The following CEP162 variants were observed in gnomAD, a reference collection of about 807,000 sequenced individuals.
The protein encoded by CEP162 is centrosomal protein 162.
A neutral mutation model predicts 169.2 loss-of-function variants in CEP162; 141 were observed. The ratio of observed to expected loss-of-function variants is 0.83; its 90% confidence interval spans 0.73 to 0.96. The LOEUF is 0.96. Among genes scored for constraint, CEP162 ranks in the 40% least tolerant of loss-of-function variants. CEP162 has a pLI of 0.00. For synonymous variants in CEP162, 540 were observed against 526.4 expected (o/e 1.03, Z -0.35); for missense variants, 1,600 against 1,587.2 (o/e 1.01, Z -0.14).
chr6:84,169,458 T>G (rs771340600), intron 17 of CEP162, 25 bp from the exon 18 acceptor site: 25 of 1,411,366 alleles, frequency 1.8e-5, no homozygotes, highest in Non-Finnish European at 2.2e-5. Context: ...AAATAAAAAG[T>G]TGTTTTTCTT....
intron 25 of CEP162, among the ~76,000 whole-genome samples, chr6:84,143,557 CAG>C (rs775394795): frequency 6.6e-6 from 1 of 151,754 alleles, no homozygotes. Context: ...AGTAGAATGA[CAG>C]ACTGTTTTAT....
chr6:84,150,743 C>T (rs139377620), intron 23 of CEP162, among the ~76,000 whole-genome samples: 255 of 152,270 alleles, frequency 1.7e-3, no homozygotes, highest in Non-Finnish European at 2.9e-3. Context: ...TAAAGAGCTT[C>T]ATGCTACTGT....
At chr6:84,168,799 A>G (rs1445974289) in intron 18 of CEP162, among the ~76,000 whole-genome samples, 1 of 152,206 alleles carries the variant, frequency 6.6e-6, no homozygotes, top group East Asian at 1.9e-4. Flanking sequence ...TAATAAACAT[A>G]AAAAAGTTAT....
chr6:84,158,554 T>C (rs1387199315), intron 21 of CEP162, among the ~76,000 whole-genome samples: 2 of 152,206 alleles, frequency 1.3e-5, no homozygotes, highest in Non-Finnish European at 2.9e-5. Context: ...TTGTGAAAAC[T>C]GCTTGCACAT....
chr6:84,194,339 A>C (rs1400397945), intron 10 of CEP162, among the ~76,000 whole-genome samples: 1 of 149,214 alleles, frequency 6.7e-6, no homozygotes, highest in Admixed American at 6.7e-5. Flanking sequence ...TGGGCGACAG[A>C]GCAAGACTCC....
At position 84,185,410 on chromosome 6, in the gene CEP162, A is replaced by G; in HGVS notation, c.1440T>C (p.Ala480=). 1 of 1,613,544 alleles carries G rather than the reference A, an allele frequency of 6.2e-7. No individual in the cohort carries two copies. The highest frequency in any genetic ancestry group is 1.7e-4 in the Middle Eastern group (1 of 6,060). The change falls in exon 13 of 27, where the codon GCT becomes GCC. Residue 480 remains alanine (A), a synonymous_variant. Transcript: ENST00000403245. ...TGTATGGTACCTGTTTACCCATTAC[A>G]GCCCCTTCTTCTTCAGAACTAAGTT... The part of the protein sequence containing the change: ...RSQLSSEEEG[A]VMGKQVPYKK...
Position 84,155,435 on chromosome 6 carries a change from C to G in CEP162, c.2857G>C (p.Ala953Pro). 1 of 1,613,450 alleles carries G rather than the reference C, an allele frequency of 6.2e-7. No individual in the cohort carries two copies. Among genetic ancestry groups the G allele is most frequent in the Non-Finnish European group, 8.5e-7 (1 of 1,179,502 alleles). ...LPALILAASA[A>P]GDTVDKNTVE... ...GTATTTTTATCCACTGTATCACCAGCTGCTGATGCAGCCAATATTAAAGCA... is the reference window on the plus strand; with the variant it reads ...GTATTTTTATCCACTGTATCACCAGGTGCTGATGCAGCCAATATTAAAGCA... Residue 953 changes from alanine to proline, a missense_variant, in exon 22 of 27, where the codon GCT (alanine) becomes CCT (proline). Coordinates refer to ENST00000403245, the MANE Select transcript of CEP162 (RefSeq NM_014895.4).
chr6:84,142,516 C>T (rs2099517115), intron 25 of CEP162, among the ~76,000 whole-genome samples: 1 of 152,064 alleles, frequency 6.6e-6, no homozygotes, highest in African/African-American at 2.4e-5. Context: ...GAAGCACTTA[C>T]ACAAATTAAG....
chr6:84,175,484 AAC>A (rs1455792378), intron 13 of CEP162, 137 bp from the exon 14 acceptor site: 7 of 564,074 alleles, frequency 1.2e-5, no homozygotes, highest in Non-Finnish European at 2.1e-5. Context: ...ACTACACTAT[AAC>A]ACAGCTGTTT....
chr6:84,152,937 T>C lies in CEP162; in HGVS notation c.3237A>G (p.Glu1079=). The C allele has an allele frequency of 1.2e-6, 2 of 1,613,808 alleles. No individual in the cohort carries two copies. Among genetic ancestry groups the C allele is most frequent in the Non-Finnish European group, 1.7e-6 (2 of 1,179,806 alleles). Residue 1079 remains glutamate (E), a synonymous_variant, in exon 23 of 27, where the codon GAA becomes GAG. Coordinates refer to ENST00000403245, the MANE Select transcript of CEP162 (RefSeq NM_014895.4). ...CTAATTTAGCTTTAGCATGAGCCTG[T>C]TCCACCTGGAATTCTATAGACTGAA... is the stretch of plus-strand genomic sequence containing the variant. ...EDFQSIEFQV[E]QAHAKAKLVR...
At chr6:84,185,514 T>G in intron 12 of CEP162, 66 bp from the exon 13 acceptor site, 1 of 1,349,174 alleles carries the variant, frequency 7.4e-7, no homozygotes, top group Non-Finnish European at 1.0e-6. Flanking sequence ...TAAATGAATA[T>G]TTAATAGATG....
At chr6:84,178,515 T>C (rs933356606) in intron 13 of CEP162, among the ~76,000 whole-genome samples, 2 of 152,194 alleles carry the variant, frequency 1.3e-5, no homozygotes, top group Admixed American at 6.6e-5. Flanking sequence ...TATTCAACCA[T>C]TGAGCATCTT....
intron 6 of CEP162, 79 bp downstream of exon 6, chr6:84,212,878 T>A (rs2099550061): frequency 2.2e-6 from 2 of 906,470 alleles, no homozygotes; most frequent in Non-Finnish European, 3.4e-6. Flanking sequence ...TTCCTTTTAA[T>A]TATTTTTCTT....
intron 7 of CEP162, among the ~76,000 whole-genome samples, chr6:84,202,474 T>C (rs1352177730): frequency 6.6e-6 from 1 of 151,818 alleles, no homozygotes; most frequent in Non-Finnish European, 1.5e-5. Flanking sequence ...CACACTATTA[T>C]GCCTTGTACT....
intron 15 of CEP162, among the ~76,000 whole-genome samples, chr6:84,174,445 C>G (rs1279040837): frequency 6.6e-6 from 1 of 152,152 alleles, no homozygotes; most frequent in African/African-American, 2.4e-5. Flanking sequence ...CTCAAACTTT[C>G]ATTTCTTTGA....
intron 25 of CEP162, among the ~76,000 whole-genome samples, chr6:84,137,461 G>A (rs1420293112): frequency 2.0e-5 from 3 of 151,926 alleles, no homozygotes; most frequent in Admixed American, 2.0e-4. Flanking sequence ...TTATGAGTGG[G>A]CCACAATAGT....
intron 2 of CEP162, among the ~76,000 whole-genome samples, chr6:84,223,223 G>A (rs567176327): frequency 8.7e-4 from 133 of 152,156 alleles, no homozygotes; most frequent in African/African-American, 2.7e-3. Flanking sequence ...AAAACAGGCC[G>A]GGCGTGGTGG....
At chr6:84,126,543 C>A in intron 25 of CEP162, 31 bp from the exon 26 acceptor site, 2 of 1,422,182 alleles carry the variant, frequency 1.4e-6, no homozygotes, top group South Asian at 1.4e-5. Context: ...AAATGAAAAA[C>A]TATAATCACA....
At chr6:84,128,041 A>T (rs1420536529) in intron 25 of CEP162, among the ~76,000 whole-genome samples, 9 of 152,216 alleles carry the variant, frequency 5.9e-5, no homozygotes, top group Non-Finnish European at 1.3e-4. Context: ...CCTCACATAA[A>T]ATGTAAGCTT....
Sources: allele counts gnomAD v4.1 joint callset (sites outside exome capture counted in the v4.1 genomes callset), GRCh38; gene constraint gnomAD v4.1.1; transcripts MANE v1.5; gene names NCBI Gene and HGNC (gene_info 2026-07-23, HGNC 2026-07-21).